TASP1: variants seen among roughly 807,000 people sequenced by gnomAD.
TASP1 encodes threonine aspartase 1.
Under a neutral mutation model 56.6 loss-of-function variants are expected in TASP1, and 16 were observed. That is an observed-to-expected ratio of 0.28 (90% CI 0.19 to 0.43). TASP1 has a LOEUF of 0.43. Ranked by LOEUF, TASP1 falls within the 20% of genes least tolerant of loss-of-function variation. The pLI is 1.00. For missense variants in TASP1, 393 were observed against 511.6 expected, an observed-to-expected ratio of 0.77 and a Z score of 2.24; for synonymous variants, 179 against 184.2, an observed-to-expected ratio of 0.97 and a Z score of 0.23.
At chr20:13,509,907 T>C (rs1355076637) in intron 10 of TASP1, among the ~76,000 whole-genome samples, 2 of 152,186 alleles carry the variant, frequency 1.3e-5, no homozygotes, top group Admixed American at 6.5e-5. Context: ...ATTACAGGCG[T>C]GAGCCACCAC....
chr20:13,574,349 T>C (rs2046826766), intron 6 of TASP1, among the ~76,000 whole-genome samples: 1 of 152,116 alleles, frequency 6.6e-6, no homozygotes, highest in African/African-American at 2.4e-5. Flanking sequence ...CTTAGCCACA[T>C]CCTAGAATAA....
At chr20:13,478,896 TACAG>T (rs1233311217) in intron 11 of TASP1, among the ~76,000 whole-genome samples, 1 of 152,132 alleles carries the variant, frequency 6.6e-6, no homozygotes, top group Non-Finnish European at 1.5e-5. Context: ...AGACAAAAAT[TACAG>T]ACAAATCTCT....
intron 1 of TASP1, 95 bp from the exon 2 acceptor site, chr20:13,630,247 AT>A: frequency 3.2e-6 from 2 of 629,654 alleles, no homozygotes; most frequent in East Asian, 3.4e-5. Context: ...CAAAAATCCT[AT>A]TTTTAAGTTA....
At chr20:13,426,472 T>G (rs1337940463) in intron 12 of TASP1, among the ~76,000 whole-genome samples, 4 of 152,158 alleles carry the variant, frequency 2.6e-5, no homozygotes, top group South Asian at 4.1e-4. Context: ...AGAACTATAC[T>G]TCTCATGATG....
intron 1 of TASP1, among the ~76,000 whole-genome samples, chr20:13,632,360 ATC>A (rs2049125683): frequency 6.8e-6 from 1 of 148,030 alleles, no homozygotes; most frequent in Admixed American, 6.7e-5. Flanking sequence ...GCAAGACTCC[ATC>A]TCAAAAAAAA....
intron 2 of TASP1, among the ~76,000 whole-genome samples, chr20:13,629,437 T>C (rs991725880): frequency 1.3e-5 from 2 of 151,132 alleles, no homozygotes; most frequent in African/African-American, 4.9e-5. Flanking sequence ...ATACCCACAG[T>C]CTCACATGGG....
the TASP1 span, among the ~76,000 whole-genome samples, chr20:13,150,912 T>G: frequency 6.6e-6 from 1 of 152,204 alleles, no homozygotes; most frequent in African/African-American, 2.4e-5. Context: ...ATTTATTGAT[T>G]TTTTTCAGAT....
chr20:13,527,784 C>T (rs1284557485), intron 10 of TASP1, among the ~76,000 whole-genome samples: 1 of 146,770 alleles, frequency 6.8e-6, no homozygotes. Context: ...CAACATTTTA[C>T]TCAAGAGATT....
At chr20:13,264,317 AT>A in the TASP1 span, among the ~76,000 whole-genome samples, 20 of 152,274 alleles carry the variant, frequency 1.3e-4, no homozygotes, top group African/African-American at 4.3e-4. Context: ...TTTGTTACTG[AT>A]TTGTGCCTCT....
At chr20:13,108,019 TTGCTAGTA>T in the TASP1 span, among the ~76,000 whole-genome samples, 2 of 152,192 alleles carry the variant, frequency 1.3e-5, no homozygotes, top group African/African-American at 2.4e-5. Flanking sequence ...CCAAGAGATC[TTGCTAGTA>T]TGCAGCATCT....
the TASP1 span, among the ~76,000 whole-genome samples, chr20:13,174,526 C>A: frequency 6.6e-6 from 1 of 152,014 alleles, no homozygotes; most frequent in East Asian, 1.9e-4. Flanking sequence ...GGTAAAACCC[C>A]ATATCTACAA....
chr20:13,444,381 C>T (rs148609754), intron 11 of TASP1, among the ~76,000 whole-genome samples: 73 of 152,132 alleles, frequency 4.8e-4, no homozygotes, highest in African/African-American at 1.6e-3. Flanking sequence ...AATTCCTATG[C>T]GCCAAATCAC....
the TASP1 span, among the ~76,000 whole-genome samples, chr20:13,352,965 G>A: frequency 0.019 from 2,854 of 152,098 alleles, 45 homozygotes; most frequent in Non-Finnish European, 0.026. Context: ...GAGCGGGCAA[G>A]GTGGTTCACA....
At chr20:13,358,263 G>C in the TASP1 span, among the ~76,000 whole-genome samples, 1 of 152,186 alleles carries the variant, frequency 6.6e-6, no homozygotes, top group Non-Finnish European at 1.5e-5. Flanking sequence ...CCTGCACCCA[G>C]GTGAAATAAA....
the TASP1 span, among the ~76,000 whole-genome samples, chr20:13,232,024 A>G: frequency 1.3e-5 from 2 of 152,204 alleles, no homozygotes; most frequent in South Asian, 2.1e-4. Context: ...TTCCTCCCAT[A>G]AGCATCCAGG....
the TASP1 span, among the ~76,000 whole-genome samples, chr20:13,249,307 G>A: frequency 6.6e-6 from 1 of 152,148 alleles, no homozygotes; most frequent in African/African-American, 2.4e-5. Context: ...TGAGGAGCTG[G>A]TGCAGCCATT....
chr20:13,435,460 G>C (rs547142131), intron 11 of TASP1, among the ~76,000 whole-genome samples: 1 of 152,212 alleles, frequency 6.6e-6, no homozygotes, highest in South Asian at 2.1e-4. Context: ...CACAAATACA[G>C]GAAAAAATGC....
At chr20:13,271,466 C>A in the TASP1 span, among the ~76,000 whole-genome samples, 1 of 152,160 alleles carries the variant, frequency 6.6e-6, no homozygotes, top group Non-Finnish European at 1.5e-5. Context: ...AAATGTTGAT[C>A]GGATTTGACC....
At chr20:13,482,896 T>C (rs565564763) in intron 11 of TASP1, among the ~76,000 whole-genome samples, 1 of 152,212 alleles carries the variant, frequency 6.6e-6, no homozygotes, top group Non-Finnish European at 1.5e-5. Flanking sequence ...AGACCTTAAA[T>C]GCCTATTCAT....
Sources: allele counts gnomAD v4.1 joint callset (sites outside exome capture counted in the v4.1 genomes callset), GRCh38; gene constraint gnomAD v4.1.1; transcripts MANE v1.5; gene names NCBI Gene and HGNC (gene_info 2026-07-23, HGNC 2026-07-21).